The following ERC2 variants were observed in gnomAD, a reference collection of about 807,000 sequenced individuals.
ERC2 encodes the protein ERC protein 2.
Under a neutral mutation model 114.8 loss-of-function variants are expected in ERC2, and 42 were observed. That is an observed-to-expected ratio of 0.37 (90% CI 0.29 to 0.47). The LOEUF (loss-of-function observed/expected upper bound fraction) is 0.47. Among genes scored for constraint, ERC2 ranks in the 20% least tolerant of loss-of-function variants. The pLI, the probability that ERC2 is intolerant of heterozygous loss-of-function variation, is 0.99. For missense variants in ERC2, 939 were observed against 1,150.7 expected (o/e 0.82, Z 2.66); for synonymous variants, 454 against 425.5 (o/e 1.07, Z -0.82).
rs145723550 is a variant in ERC2, at chr3:55,800,202, G to A, written c.2565-65284C>T. Among the ~76,000 whole-genome samples the A allele has an allele frequency of 7.1e-3, 1,072 of 152,042 alleles. 10 individuals are homozygous for A. The highest frequency in any genetic ancestry group is 0.025 in the African/African-American group (1,034 of 41,466). ...GTTGCCCAGGCTGGAGTGCAATGGC[G>A]TGATGTCGGCTCACTGCAACCTCCG... On this transcript the variant is annotated intron_variant, in intron 14 of 17. Transcript: ENST00000288221.
intron 3 of ERC2, among the ~76,000 whole-genome samples, chr3:56,175,108 T>C (rs2082903453): frequency 6.6e-6 from 1 of 152,172 alleles, no homozygotes; most frequent in South Asian, 2.1e-4. Flanking sequence ...TATGCTGTTC[T>C]TATTATATTT....
At chr3:55,749,107 C>G (rs188740816) in intron 14 of ERC2, among the ~76,000 whole-genome samples, 1 of 152,268 alleles carries the variant, frequency 6.6e-6, no homozygotes, top group Admixed American at 6.5e-5. Flanking sequence ...GCCTTTTGCA[C>G]AAATTGGAGG....
intron 17 of ERC2, among the ~76,000 whole-genome samples, chr3:55,592,213 G>T (rs969826073): frequency 2.0e-5 from 3 of 152,240 alleles, no homozygotes; most frequent in South Asian, 2.1e-4. Context: ...TAACTCAGTG[G>T]CTGGGGCCGC....
At chr3:55,860,977 A>C (rs1223266662) in intron 14 of ERC2, among the ~76,000 whole-genome samples, 1 of 152,210 alleles carries the variant, frequency 6.6e-6, no homozygotes, top group Non-Finnish European at 1.5e-5. Context: ...GAAATCCCTG[A>C]CATTTTAGAA....
chr3:56,067,753 A>C (rs551627145), intron 7 of ERC2, among the ~76,000 whole-genome samples: 10 of 152,228 alleles, frequency 6.6e-5, no homozygotes, highest in Admixed American at 2.6e-4. Context: ...ACATGAAGGG[A>C]TGTTGAATTT....
chr3:56,382,973 T>G (rs940402561), intron 2 of ERC2, among the ~76,000 whole-genome samples: 15 of 152,162 alleles, frequency 9.9e-5, no homozygotes, highest in African/African-American at 3.6e-4. Context: ...AAATGACAAC[T>G]GCATCCTACC....
intron 12 of ERC2, among the ~76,000 whole-genome samples, chr3:55,958,341 G>A (rs2068109046): frequency 6.6e-6 from 1 of 152,158 alleles, no homozygotes; most frequent in Non-Finnish European, 1.5e-5. Flanking sequence ...GTTTTCATGG[G>A]CTCAGAAGGG....
chr3:56,387,653 C>A (rs540694667), intron 2 of ERC2, among the ~76,000 whole-genome samples: 93 of 152,276 alleles, frequency 6.1e-4, no homozygotes, highest in African/African-American at 2.1e-3. Flanking sequence ...GATTTTATAA[C>A]CTCTCTAGTT....
At chr3:55,952,198 C>A (rs200834509) in intron 12 of ERC2, among the ~76,000 whole-genome samples, 59,068 of 105,726 alleles carry the variant, frequency 0.56, 18,286 homozygotes, top group Non-Finnish European at 0.65. Context: ...CTCTCTCTCT[C>A]TATATATATA....
At chr3:55,522,311 A>G (rs2053013910) in intron 17 of ERC2, among the ~76,000 whole-genome samples, 1 of 152,172 alleles carries the variant, frequency 6.6e-6, no homozygotes. Context: ...CTGGGCCCTA[A>G]TCCTCACCTG....
intron 3 of ERC2, among the ~76,000 whole-genome samples, chr3:56,267,933 GTATT>G (rs930965638): frequency 6.6e-6 from 1 of 152,142 alleles, no homozygotes. Flanking sequence ...ATATATTCCA[GTATT>G]GCATAATGGA....
intron 14 of ERC2, among the ~76,000 whole-genome samples, chr3:55,829,711 T>C (rs1025361461): frequency 6.6e-6 from 1 of 152,056 alleles, no homozygotes; most frequent in African/African-American, 2.4e-5. Flanking sequence ...GTAAAGATGG[T>C]GTCTCACTAT....
chr3:56,256,825 C>T (rs553018105), intron 3 of ERC2, among the ~76,000 whole-genome samples: 15 of 152,210 alleles, frequency 9.9e-5, no homozygotes, highest in Admixed American at 1.3e-4. Flanking sequence ...TCTCTCCTGC[C>T]GCCTTGTGAA....
At chr3:56,222,172 C>T (rs934794808) in intron 3 of ERC2, among the ~76,000 whole-genome samples, 11 of 152,066 alleles carry the variant, frequency 7.2e-5, no homozygotes, top group African/African-American at 2.4e-4. Context: ...GGTACTACAT[C>T]CATGTGAAAA....
intron 3 of ERC2, among the ~76,000 whole-genome samples, chr3:56,207,098 A>C (rs2048781433): frequency 6.6e-6 from 1 of 152,142 alleles, no homozygotes; most frequent in Non-Finnish European, 1.5e-5. Flanking sequence ...TGCGGCTCTC[A>C]CTGTTATTTT....
intron 17 of ERC2, among the ~76,000 whole-genome samples, chr3:55,550,063 G>A (rs1335689414): frequency 1.3e-5 from 2 of 152,070 alleles, no homozygotes; most frequent in Admixed American, 6.5e-5. Flanking sequence ...CTTCCCACCT[G>A]GTCTAGCCTG....
chr3:56,061,540 T>A (rs1042521001), intron 7 of ERC2, among the ~76,000 whole-genome samples: 45 of 152,166 alleles, frequency 3.0e-4, no homozygotes, highest in African/African-American at 1.1e-3. Context: ...CTTTAAAAGA[T>A]GAATTATTCA....
intron 3 of ERC2, among the ~76,000 whole-genome samples, chr3:56,277,046 G>A (rs1339230698): frequency 2.6e-5 from 4 of 152,152 alleles, no homozygotes; most frequent in Admixed American, 2.0e-4. Flanking sequence ...CAAACGCAAA[G>A]GTCCCTCCCA....
Position 55,845,068 on chromosome 3 carries a change from C to A in ERC2, c.2564+43321G>T, listed in dbSNP as rs149613434. On this transcript the variant is annotated intron_variant, in intron 14 of 17. Transcript: ENST00000288221. ...TCACACTCCTATGAGAATCTAATGC[C>A]ACCACTGATCTGATAGGAGGCGGAG... 3.5e-3 allele frequency among the ~76,000 whole-genome samples: 538 copies of A among 152,286 alleles called. 3 individuals are homozygous for A. Among genetic ancestry groups the A allele is most frequent in the African/African-American group, 0.012 (502 of 41,556 alleles).
Sources: allele counts gnomAD v4.1 joint callset (sites outside exome capture counted in the v4.1 genomes callset), GRCh38; gene constraint gnomAD v4.1.1; transcripts MANE v1.5; gene names NCBI Gene and HGNC (gene_info 2026-07-23, HGNC 2026-07-21).